Variants in WDR33 observed in about 807,000 individuals in gnomAD.
WDR33 encodes the protein pre-mRNA 3' end processing protein WDR33.
In WDR33, 47 loss-of-function variants were observed where a neutral mutation model predicts 164.9. That is an observed-to-expected ratio of 0.29 (90% CI 0.23 to 0.36). The LOEUF (loss-of-function observed/expected upper bound fraction) is 0.36. Among genes scored for constraint, WDR33 ranks in the 10% least tolerant of loss-of-function variants. The pLI, the probability that WDR33 is intolerant of heterozygous loss-of-function variation, is 1.00. For missense variants in WDR33, 1,137 were observed against 1,754.1 expected, an observed-to-expected ratio of 0.65 and a Z score of 6.28; for synonymous variants, 505 against 589.0, an observed-to-expected ratio of 0.86 and a Z score of 2.06.
rs1686077621 is a variant in WDR33, at chr2:127,708,737, T to C, written c.3721A>G (p.Thr1241Ala). The change falls in exon 21 of 22, where the codon ACT becomes GCT. Residue 1241 changes from threonine to alanine, a missense_variant. Transcript: ENST00000322313. This position sits in a 1 kb window ranked among gnomAD's most constrained non-coding sequence, Gnocchi z 6.7. Reference sequence around the variant, plus strand: ...GCCTCCATCTCTCTGTGCTCAGAAGTGCCTGGGCCATCATGCCAGGGGCGC... The same window carrying C: ...GCCTCCATCTCTCTGTGCTCAGAAGCGCCTGGGCCATCATGCCAGGGGCGC... ...RKRPWHDGPG[T>A]SEHREMEAPG... 4 of 1,613,750 alleles carry C rather than the reference T, an allele frequency of 2.5e-6. No homozygotes were observed. The highest frequency in any genetic ancestry group is 2.7e-5 in the African/African-American group (2 of 75,060).
At chr2:127,768,441 A>C (rs1201086917) in intron 3 of WDR33, 148 bp from the exon 4 acceptor site, 3 of 508,920 alleles carry the variant, frequency 5.9e-6, no homozygotes, top group African/African-American at 5.9e-5. Flanking sequence ...AAGTATTACA[A>C]TTAGTCTATT....
At position 127,763,028 on chromosome 2, in the gene WDR33, TA is replaced by T. The variant is rs768243750; in HGVS notation, c.724+33del. On this transcript the variant is annotated intron_variant, in intron 7 of 21. Transcript: ENST00000322313. The surrounding 1 kb of genome is among the most constrained non-coding windows in gnomAD (Gnocchi z 4.5). ...TTTAACCACAAATGTCTTCCCTATTTAAATATTCCAATCAGTACTGTTAGTA... is the reference window on the plus strand; with the variant it reads ...TTTAACCACAAATGTCTTCCCTATTTAATATTCCAATCAGTACTGTTAGTA... 11 of 1,613,570 alleles carry T rather than the reference TA, an allele frequency of 6.8e-6. No individual in the cohort carries two copies. Among genetic ancestry groups the T allele is most frequent in the Non-Finnish European group, 9.3e-6 (11 of 1,179,702 alleles).
At chr2:127,742,441 C>T (rs998257557) in intron 7 of WDR33, among the ~76,000 whole-genome samples, 8 of 149,846 alleles carry the variant, frequency 5.3e-5, no homozygotes, top group African/African-American at 2.0e-4. Flanking sequence ...GTGGGAGGAT[C>T]GCTTCAGCCC....
chr2:127,744,724 T>C (rs1558933769), intron 7 of WDR33, among the ~76,000 whole-genome samples: 1 of 151,928 alleles, frequency 6.6e-6, no homozygotes, highest in Non-Finnish European at 1.5e-5. Context: ...CCCAATTCTT[T>C]CCTTACCTTT....
intron 4 of WDR33, among the ~76,000 whole-genome samples, chr2:127,765,546 C>T (rs540559322): frequency 2.5e-4 from 38 of 152,120 alleles, no homozygotes; most frequent in African/African-American, 8.0e-4. Context: ...CGTATGCATG[C>T]TAAAGACCAT....
chr2:127,798,343 A>G (rs893991906), intron 1 of WDR33, among the ~76,000 whole-genome samples: 5 of 132,606 alleles, frequency 3.8e-5, no homozygotes, highest in Admixed American at 8.4e-5. Context: ...ACTCCAGCCT[A>G]GGCAACAGGG....
chr2:127,767,844 C>T (rs1280801965), intron 4 of WDR33, among the ~76,000 whole-genome samples: 1 of 152,206 alleles, frequency 6.6e-6, no homozygotes, highest in Non-Finnish European at 1.5e-5. Flanking sequence ...TCTGTTAACT[C>T]CTAAGTATTT....
intron 7 of WDR33, among the ~76,000 whole-genome samples, chr2:127,734,468 A>C (rs1048621061): frequency 3.3e-5 from 5 of 152,348 alleles, no homozygotes; most frequent in Non-Finnish European, 5.9e-5. Flanking sequence ...CTTTGTAATA[A>C]TTATTTGCAG....
intron 1 of WDR33, among the ~76,000 whole-genome samples, chr2:127,781,730 G>A (rs1688375166): frequency 6.6e-6 from 1 of 151,954 alleles, no homozygotes; most frequent in South Asian, 2.1e-4. Context: ...CGGGTGCAGT[G>A]GCTCATGCCT....
At chr2:127,795,957 T>TA (rs1158061858) in intron 1 of WDR33, among the ~76,000 whole-genome samples, 1 of 151,754 alleles carries the variant, frequency 6.6e-6, no homozygotes, top group Non-Finnish European at 1.5e-5. Context: ...GTTAGTTCTT[T>TA]AAAAAAAAGT....
chr2:127,711,795 C>A (rs1686186343), intron 18 of WDR33, among the ~76,000 whole-genome samples: 1 of 47,224 alleles, frequency 2.1e-5, no homozygotes, highest in Non-Finnish European at 3.6e-5. Context: ...TTTTTTGAGA[C>A]AGAGTCTCGC....
intron 7 of WDR33, among the ~76,000 whole-genome samples, chr2:127,755,072 T>C (rs1005662507): frequency 2.0e-5 from 3 of 152,168 alleles, no homozygotes; most frequent in Non-Finnish European, 2.9e-5. Context: ...AAACACAGGA[T>C]TGTTTTTATG....
intron 7 of WDR33, chr2:127,736,421 T>C: frequency 2.0e-6 from 2 of 985,396 alleles, no homozygotes. Context: ...AGCACAGAAG[T>C]GTTTTTCAAG....
chr2:127,801,973 G>GTT (rs1026795530), intron 1 of WDR33, among the ~76,000 whole-genome samples: 1 of 151,390 alleles, frequency 6.6e-6, no homozygotes, highest in Admixed American at 6.6e-5. Flanking sequence ...TTGAGGTCAG[G>GTT]AATTCCAGAC....
At chr2:127,753,528 C>T (rs1469102008) in intron 7 of WDR33, among the ~76,000 whole-genome samples, 1 of 152,136 alleles carries the variant, frequency 6.6e-6, no homozygotes, top group East Asian at 1.9e-4. Context: ...CAGATGAGGA[C>T]ACAAAATATT....
chr2:127,788,307 A>C (rs1475915461), intron 1 of WDR33, among the ~76,000 whole-genome samples: 5 of 86,578 alleles, frequency 5.8e-5, no homozygotes, highest in African/African-American at 9.8e-5. Context: ...TGACCCCCCC[A>C]CCTCCCTCCC....
At chr2:127,767,254 T>C (rs1017344495) in intron 4 of WDR33, among the ~76,000 whole-genome samples, 1 of 152,230 alleles carries the variant, frequency 6.6e-6, no homozygotes, top group Non-Finnish European at 1.5e-5. Flanking sequence ...TCTCATTTTT[T>C]TTCAACTGTT....
rs1293551912 is a variant in WDR33 at position 127,719,019 on chromosome 2, T to C, written c.2760+246A>G. Among the ~76,000 whole-genome samples, 14 of 152,210 alleles carry C rather than the reference T, an allele frequency of 9.2e-5. 1 individual carries two copies. Among genetic ancestry groups the C allele is most frequent in the Non-Finnish European group, 4.4e-5 (3 of 68,030 alleles). On this transcript the variant is annotated intron_variant, in intron 16 of 21. Coordinates refer to ENST00000322313, the MANE Select transcript of WDR33 (RefSeq NM_018383.5). This position sits in a 1 kb window ranked among gnomAD's most constrained non-coding sequence, Gnocchi z 6.5. ...GAGTTGACCTTTTCTGAAGAAACTC[T>C]ATTACCAAAAAAAGAAAAATGGTGA...
chr2:127,737,497 T>C (rs912633237), intron 7 of WDR33: 1 of 986,234 alleles, frequency 1.0e-6, no homozygotes, highest in African/African-American at 1.7e-5. Context: ...CTTGAAAAGC[T>C]AGAAAAGTGC....
Sources: allele counts gnomAD v4.1 joint callset (sites outside exome capture counted in the v4.1 genomes callset), GRCh38; gene constraint gnomAD v4.1.1; non-coding constraint Gnocchi (gnomAD v3.1); transcripts MANE v1.5; gene names NCBI Gene and HGNC (gene_info 2026-07-23, HGNC 2026-07-21).